The following ANKRD30BL variants were observed in gnomAD, a reference collection of about 807,000 sequenced individuals.
ANKRD30BL encodes ankyrin repeat domain 30B like, also known as putative ankyrin repeat domain-containing protein 30B-like.
ANKRD30BL carries 20 observed loss-of-function variants against 18.4 expected under a neutral mutation model. The ratio of observed to expected loss-of-function variants is 1.09; its 90% CI spans 0.77 to 1.58. The LOEUF (loss-of-function observed/expected upper bound fraction) is 1.58. ANKRD30BL is among the 40% of genes most tolerant of loss of function. The pLI is 0.00. For missense variants in ANKRD30BL, 224 were observed against 268.6 expected (o/e 0.83, Z 1.16); for synonymous variants, 72 against 100.9 (o/e 0.71, Z 1.72).
At chr2:132,180,391 C>T (rs1330765932) in intron 1 of ANKRD30BL, among the ~76,000 whole-genome samples, 4 of 152,180 alleles carry the variant, frequency 2.6e-5, no homozygotes, top group East Asian at 1.9e-4. Flanking sequence ...TAGGCTATCC[C>T]GTCTATGTTT....
intron 1 of ANKRD30BL, among the ~76,000 whole-genome samples, chr2:132,187,899 C>T (rs1431508127): frequency 6.6e-6 from 1 of 151,996 alleles, no homozygotes; most frequent in Non-Finnish European, 1.5e-5. Flanking sequence ...GCTGGGATTA[C>T]AGGCACCTGC....
At chr2:132,203,957 A>G (rs1679159288) in intron 1 of ANKRD30BL, among the ~76,000 whole-genome samples, 3 of 152,150 alleles carry the variant, frequency 2.0e-5, no homozygotes, top group Admixed American at 1.3e-4. Context: ...GATACCAATC[A>G]TTTTATGATA....
chr2:132,185,315 G>A (rs560719725), intron 1 of ANKRD30BL, among the ~76,000 whole-genome samples: 29 of 152,268 alleles, frequency 1.9e-4, no homozygotes, highest in African/African-American at 6.3e-4. Context: ...CACCACCAGA[G>A]AGAAGAAGGC....
chr2:132,243,228 T>C (rs999069546), intron 1 of ANKRD30BL, among the ~76,000 whole-genome samples: 2 of 151,260 alleles, frequency 1.3e-5, no homozygotes, highest in African/African-American at 4.8e-5. Context: ...TATCCTCACA[T>C]AACAAATAGG....
At chr2:132,163,630 A>T (rs1253575970), upstream of ANKRD30BL, among the ~76,000 whole-genome samples, 1 of 152,236 alleles carries the variant, frequency 6.6e-6, no homozygotes. Context: ...TAAAACCCAC[A>T]GAGCCCTCTG....
intron 1 of ANKRD30BL, among the ~76,000 whole-genome samples, chr2:132,235,977 G>C (rs1327234219): frequency 6.6e-6 from 1 of 152,084 alleles, no homozygotes; most frequent in African/African-American, 2.4e-5. Flanking sequence ...CATGGTACTG[G>C]TACCAAAACA....
rs1254001794 is a variant in ANKRD30BL at position 132,173,231 on chromosome 2, A to C, written n.442-16085T>G. On this transcript the variant is annotated intron_variant and non_coding_transcript_variant, in intron 1 of 4. Transcript: ENST00000470729. Reference sequence around the variant, plus strand: ...TGTATATTATGTAAGTTAAGGGCCCAAACTTTATATTTTGCCTGTGGATAT... The same window carrying C: ...TGTATATTATGTAAGTTAAGGGCCCCAACTTTATATTTTGCCTGTGGATAT... Among the ~76,000 whole-genome samples, 4 of 151,762 alleles carry C rather than the reference A, an allele frequency of 2.6e-5. No homozygotes were observed. In the East Asian group the frequency reaches 7.7e-4, roughly 29 times the overall value.
At chr2:132,204,291 T>C (rs1377856871) in intron 1 of ANKRD30BL, among the ~76,000 whole-genome samples, 1 of 151,606 alleles carries the variant, frequency 6.6e-6, no homozygotes, top group Non-Finnish European at 1.5e-5. Context: ...GTTAAATGAT[T>C]GAGGAGAATG....
chr2:132,230,110 C>T lies in ANKRD30BL; in HGVS notation n.441+27419G>A, dbSNP rs1481712269. Reference sequence around the variant, plus strand: ...CGTGGACATTTAAAGCACTTTGAGGCCTGTGGTGGAAAAGGAAATATCTTC... The same window carrying T: ...CGTGGACATTTAAAGCACTTTGAGGTCTGTGGTGGAAAAGGAAATATCTTC... On this transcript the variant is annotated intron_variant and non_coding_transcript_variant, in intron 1 of 4. Transcript: ENST00000470729. 8.6e-5 allele frequency among the ~76,000 whole-genome samples: 13 copies of T among 150,370 alleles called. No homozygotes were observed. The East Asian group carries it at 2.2e-3, about 25-fold the overall frequency.
At chr2:132,210,548 A>C (rs1160870531) in intron 1 of ANKRD30BL, among the ~76,000 whole-genome samples, 3 of 152,038 alleles carry the variant, frequency 2.0e-5, no homozygotes, top group African/African-American at 7.2e-5. Flanking sequence ...TCTTCACATA[A>C]AAACTGGACA....
At chr2:132,220,395 G>C (rs946113480) in intron 1 of ANKRD30BL, among the ~76,000 whole-genome samples, 2 of 138,658 alleles carry the variant, frequency 1.4e-5, no homozygotes, top group African/African-American at 5.3e-5. Flanking sequence ...CTCCTTCCAC[G>C]GTCTCCCTCT....
At position 132,206,488 on chromosome 2, in the gene ANKRD30BL, C is replaced by T. The variant is rs149061545; in HGVS notation, n.442-49342G>A. On this transcript the variant is annotated intron_variant and non_coding_transcript_variant, in intron 1 of 4. Coordinates refer to the ANKRD30BL transcript ENST00000470729. ...TATATGAGTGACTGTAGACAAATTA[C>T]TTAATCTTTTAATGCTCCAGTTTCC... Among the ~76,000 whole-genome samples, 184 of 152,218 alleles carry T rather than the reference C, an allele frequency of 1.2e-3. 2 individuals carry two copies. The highest frequency in any genetic ancestry group is 4.1e-3 in the African/African-American group (171 of 41,526).
At chr2:132,222,073 C>G (rs566185238) in intron 1 of ANKRD30BL, among the ~76,000 whole-genome samples, 3 of 137,260 alleles carry the variant, frequency 2.2e-5, no homozygotes, top group African/African-American at 5.8e-5. Flanking sequence ...CCGCCCCGTC[C>G]GGGAGGGAGG....
intron 1 of ANKRD30BL, among the ~76,000 whole-genome samples, chr2:132,245,753 T>C (rs1573889693): frequency 3.4e-4 from 3 of 8,878 alleles, no homozygotes; most frequent in Non-Finnish European, 8.6e-4. Flanking sequence ...GATATTTGGA[T>C]AGCTTTGAAG....
At chr2:132,167,354 C>T (rs1393123466) in intron 1 of ANKRD30BL, among the ~76,000 whole-genome samples, 1 of 134,094 alleles carries the variant, frequency 7.5e-6, no homozygotes, top group Non-Finnish European at 1.5e-5. Context: ...TGAGATAGAG[C>T]CTCACTCTGT....
chr2:132,221,011 G>A lies in ANKRD30BL; in HGVS notation n.441+36518C>T, dbSNP rs1453579711. On this transcript the variant is annotated intron_variant and non_coding_transcript_variant, in intron 1 of 4. Coordinates refer to the ANKRD30BL transcript ENST00000470729. The stretch of plus-strand genomic sequence containing the variant: ...GAGAGGTGGGGAGCACCTCTGCCCC[G>A]CCGCCCTGTCTGGGATGTGAGGAGC... Among the ~76,000 whole-genome samples, 188 of 142,404 alleles carry A rather than the reference G, an allele frequency of 1.3e-3. 1 individual carries two copies. The highest frequency in any genetic ancestry group is 4.6e-3 in the African/African-American group (167 of 36,570). 93.4% of individuals were successfully genotyped at this position (142,404 alleles called of 152,430 possible). A position where few individuals can be genotyped will look rare whatever the true frequency, so the allele number is the denominator to read the frequency against.
chr2:132,200,528 T>C (rs1487004979), intron 1 of ANKRD30BL, among the ~76,000 whole-genome samples: 2 of 152,234 alleles, frequency 1.3e-5, no homozygotes, highest in East Asian at 1.9e-4. Flanking sequence ...AAATCATGAG[T>C]GAATTCCCAT....
intron 1 of ANKRD30BL, among the ~76,000 whole-genome samples, chr2:132,189,275 G>T (rs938465180): frequency 1.3e-5 from 2 of 152,168 alleles, no homozygotes; most frequent in Non-Finnish European, 2.9e-5. Context: ...AACATACTAG[G>T]TAAGTAAAAC....
At chr2:132,175,872 T>A (rs1046698841) in intron 1 of ANKRD30BL, among the ~76,000 whole-genome samples, 1 of 152,034 alleles carries the variant, frequency 6.6e-6, no homozygotes, top group African/African-American at 2.4e-5. Flanking sequence ...GTTTTTGTGA[T>A]CTCAAGGTGG....
Sources: allele counts gnomAD v4.1 joint callset (sites outside exome capture counted in the v4.1 genomes callset), GRCh38; gene constraint gnomAD v4.1.1; transcripts MANE v1.5; gene names NCBI Gene and HGNC (gene_info 2026-07-23, HGNC 2026-07-21).